Variants in MGMT observed in about 807,000 individuals in gnomAD.
MGMT encodes methylated-DNA--protein-cysteine methyltransferase.
A neutral mutation model predicts 15.9 loss-of-function variants in MGMT; 14 were observed. The observed-to-expected ratio is 0.88, with a 90% confidence interval of 0.58 to 1.37. The LOEUF (loss-of-function observed/expected upper bound fraction) is 1.37, where lower values mean the gene tolerates loss of function less well. Among genes scored for constraint, MGMT ranks in the 40% most tolerant of loss-of-function variants. MGMT has a pLI of 0.00. For synonymous variants in MGMT, 130 were observed against 118.2 expected, an observed-to-expected ratio of 1.10 and a Z score of -0.65; for missense variants, 282 against 268.1, an observed-to-expected ratio of 1.05 and a Z score of -0.36.
At chr10:129,581,896 T>TA (rs1846560069) in intron 2 of MGMT, among the ~76,000 whole-genome samples, 1 of 152,150 alleles carries the variant, frequency 6.6e-6, no homozygotes, top group South Asian at 2.1e-4. Flanking sequence ...CCTTAATATT[T>TA]AAAAAATAGG....
At chr10:129,552,448 G>A (rs1369522411) in intron 2 of MGMT, among the ~76,000 whole-genome samples, 1 of 152,228 alleles carries the variant, frequency 6.6e-6, no homozygotes, top group Admixed American at 6.5e-5. Context: ...CACAGACGTG[G>A]GTTTGTGGCC....
chr10:129,745,947 T>C (rs946636664), intron 3 of MGMT, among the ~76,000 whole-genome samples: 6 of 152,144 alleles, frequency 3.9e-5, no homozygotes, highest in Admixed American at 2.0e-4. Context: ...CTCTTAACAC[T>C]GACTTTCAGC....
chr10:129,581,423 A>G (rs1399738490), intron 2 of MGMT, among the ~76,000 whole-genome samples: 1 of 152,158 alleles, frequency 6.6e-6, no homozygotes, highest in Non-Finnish European at 1.5e-5. Flanking sequence ...CTGACCCCAC[A>G]TCATTGGCAT....
chr10:129,713,475 C>A (rs1848256098), intron 3 of MGMT, among the ~76,000 whole-genome samples: 1 of 152,140 alleles, frequency 6.6e-6, no homozygotes, highest in South Asian at 2.1e-4. Context: ...CCATCCACAG[C>A]TGAGAGTGGA....
At chr10:129,493,747 A>T (rs2119661653) in intron 1 of MGMT, among the ~76,000 whole-genome samples, 1 of 152,160 alleles carries the variant, frequency 6.6e-6, no homozygotes, top group South Asian at 2.1e-4. Flanking sequence ...ATCCAGAACA[A>T]CTTGCTCACT....
At chr10:129,639,826 A>T (rs1847306355) in intron 2 of MGMT, among the ~76,000 whole-genome samples, 1 of 152,190 alleles carries the variant, frequency 6.6e-6, no homozygotes, top group African/African-American at 2.4e-5. Flanking sequence ...GAGATAATAA[A>T]GATAAAAACA....
intron 3 of MGMT, among the ~76,000 whole-genome samples, chr10:129,713,935 C>A: frequency 6.6e-6 from 1 of 152,232 alleles, no homozygotes; most frequent in East Asian, 1.9e-4. Context: ...TGATGCTGTT[C>A]CCTTCCCAGT....
intron 2 of MGMT, among the ~76,000 whole-genome samples, chr10:129,596,654 A>G (rs1290479006): frequency 6.6e-6 from 1 of 152,214 alleles, no homozygotes; most frequent in Non-Finnish European, 1.5e-5. Flanking sequence ...ACTAATATGC[A>G]ACAAAAATAA....
intron 2 of MGMT, among the ~76,000 whole-genome samples, chr10:129,595,774 T>C (rs1291931727): frequency 6.6e-6 from 1 of 152,142 alleles, no homozygotes; most frequent in Non-Finnish European, 1.5e-5. Context: ...CTAATCCTCC[T>C]GCAGGTAGAA....
intron 2 of MGMT, among the ~76,000 whole-genome samples, chr10:129,682,449 G>A (rs1033624001): frequency 6.6e-6 from 1 of 151,812 alleles, no homozygotes; most frequent in Admixed American, 6.6e-5. Context: ...AAGCAGTGAT[G>A]GGGAAGAGAT....
intron 2 of MGMT, among the ~76,000 whole-genome samples, chr10:129,608,544 G>A (rs1428329099): frequency 6.6e-6 from 1 of 152,178 alleles, no homozygotes; most frequent in African/African-American, 2.4e-5. Context: ...GGTGTATTGA[G>A]GCATGGCTTT....
chr10:129,634,917 G>A (rs1039401166), intron 2 of MGMT, among the ~76,000 whole-genome samples: 2 of 152,192 alleles, frequency 1.3e-5, no homozygotes, highest in African/African-American at 4.8e-5. Context: ...GTTGAGTTCT[G>A]GTTATTTCTG....
At chr10:129,725,316 T>C (rs1848420072) in intron 3 of MGMT, among the ~76,000 whole-genome samples, 1 of 152,212 alleles carries the variant, frequency 6.6e-6, no homozygotes, top group African/African-American at 2.4e-5. Flanking sequence ...AGCCCCTCGC[T>C]GCCATCCCCT....
chr10:129,476,850 A>T (rs904307672), intron 1 of MGMT, among the ~76,000 whole-genome samples: 1 of 152,158 alleles, frequency 6.6e-6, no homozygotes, highest in Non-Finnish European at 1.5e-5. Flanking sequence ...GGACATGTCA[A>T]ACCCACACCA....
chr10:129,557,189 C>T (rs546580414), intron 2 of MGMT, among the ~76,000 whole-genome samples: 6 of 152,188 alleles, frequency 3.9e-5, no homozygotes, highest in South Asian at 2.1e-4. Flanking sequence ...GTGCTAATTT[C>T]GAGGAAGCAA....
chr10:129,519,328 AT>A (rs1845778621), intron 1 of MGMT, among the ~76,000 whole-genome samples: 1 of 152,236 alleles, frequency 6.6e-6, no homozygotes, highest in African/African-American at 2.4e-5. Flanking sequence ...ATTAGACTGA[AT>A]TATTGTTTAA....
At chr10:129,660,610 C>G (rs1199159899) in intron 2 of MGMT, among the ~76,000 whole-genome samples, 1 of 152,160 alleles carries the variant, frequency 6.6e-6, no homozygotes, top group Non-Finnish European at 1.5e-5. Flanking sequence ...GAGCCCTCCA[C>G]CATTATCTGA....
At chr10:129,735,036 T>A (rs976409386) in intron 3 of MGMT, among the ~76,000 whole-genome samples, 17 of 152,162 alleles carry the variant, frequency 1.1e-4, no homozygotes, top group Non-Finnish European at 2.4e-4. Context: ...TTTGGTTGTG[T>A]CTCTGCCCAG....
At chr10:129,607,267 C>T (rs781721574) in intron 2 of MGMT, among the ~76,000 whole-genome samples, 2 of 151,722 alleles carry the variant, frequency 1.3e-5, no homozygotes, top group Admixed American at 6.6e-5. Context: ...AGGAATATCC[C>T]GGGAAGAATT....
Sources: gnomAD v4.1 joint callset for allele counts (sites outside exome capture counted in the v4.1 genomes callset) on GRCh38, gnomAD v4.1.1 for gene constraint, MANE v1.5 for transcripts, NCBI Gene and HGNC (gene_info 2026-07-23, HGNC 2026-07-21) for gene names.